The following AGBL1 variants were observed in gnomAD, a reference collection of about 807,000 sequenced individuals.
AGBL1 encodes AGBL carboxypeptidase 1.
In AGBL1, 130 loss-of-function variants were observed where a neutral mutation model predicts 118.9. The ratio of observed to expected loss-of-function variants is 1.09; its 90% CI spans 0.95 to 1.26. AGBL1 has a LOEUF of 1.26. Among genes scored for constraint, AGBL1 ranks in the 50% most tolerant of loss-of-function variants. The pLI, the probability that AGBL1 is intolerant of heterozygous loss-of-function variation, is 0.00. For synonymous variants in AGBL1, 555 were observed against 478.9 expected (o/e 1.16, Z -2.08); for missense variants, 1,584 against 1,298.1 (o/e 1.22, Z -3.38).
In AGBL1 at chr15:86,909,161, G is replaced by A. The variant is rs1324628717; in HGVS notation, c.*1867G>A. 6.6e-6 allele frequency: 1 copy of A among 152,182 alleles called. No homozygotes were observed. Among genetic ancestry groups the A allele is most frequent in the African/African-American group, 2.4e-5 (1 of 41,444 alleles). The allele number at this position is 152,182 out of a possible 1,614,324, so 9.4% of individuals were successfully genotyped here. A position where few individuals can be genotyped will look rare whatever the true frequency, so the allele number is the denominator to read the frequency against. On this transcript the variant is annotated 3_prime_UTR_variant, in exon 23 of 23. Transcript: ENST00000614907. ...TAATCCCACCGGCTGAAAAAAATGGGCCTATAGCCACAGGAAGCTGCAAGA... is the reference window on the plus strand; with the variant it reads ...TAATCCCACCGGCTGAAAAAAATGGACCTATAGCCACAGGAAGCTGCAAGA...
chr15:87,029,933 T>C (rs2081768754), downstream of AGBL1, among the ~76,000 whole-genome samples: 2 of 151,874 alleles, frequency 1.3e-5, no homozygotes, highest in African/African-American at 4.8e-5. Context: ...TCCTAGGATG[T>C]TAATGAAGAT....
intron 21 of AGBL1, among the ~76,000 whole-genome samples, chr15:86,581,635 C>A (rs552239901): frequency 1.3e-5 from 2 of 152,250 alleles, no homozygotes; most frequent in African/African-American, 4.8e-5. Context: ...ACTCCTCGGG[C>A]ACTCTTCAGT....
chr15:86,145,903 C>T (rs1220261385), intron 3 of AGBL1, among the ~76,000 whole-genome samples: 1 of 152,294 alleles, frequency 6.6e-6, no homozygotes, highest in Non-Finnish European at 1.5e-5. Flanking sequence ...AGTGATGCTA[C>T]TTTAGACTGG....
chr15:86,142,245 T>C (rs2076973340), intron 2 of AGBL1, among the ~76,000 whole-genome samples, 178 bp downstream of exon 2: 1 of 152,166 alleles, frequency 6.6e-6, no homozygotes, highest in Non-Finnish European at 1.5e-5. Flanking sequence ...ACCTGGACTG[T>C]TTGTACTTGC....
At chr15:86,312,713 G>A (rs891370980) in intron 17 of AGBL1, among the ~76,000 whole-genome samples, 2 of 152,126 alleles carry the variant, frequency 1.3e-5, no homozygotes, top group Non-Finnish European at 2.9e-5. Flanking sequence ...CAGGGCAAGG[G>A]CATTCTCAAC....
At chr15:86,373,426 T>C (rs1431235) in intron 17 of AGBL1, among the ~76,000 whole-genome samples, 38,653 of 152,104 alleles carry the variant, frequency 0.25, 5,695 homozygotes, top group East Asian at 0.65. Flanking sequence ...ATGGGAATCA[T>C]AGAAGGCTTG....
At chr15:86,726,516 A>T (rs150367131) in intron 22 of AGBL1, among the ~76,000 whole-genome samples, 10 of 152,202 alleles carry the variant, frequency 6.6e-5, no homozygotes, top group Non-Finnish European at 1.3e-4. Context: ...GATAATATGC[A>T]TAGTGTTTGG....
chr15:86,298,399 T>TTCTTATATATATATG, intron 17 of AGBL1, among the ~76,000 whole-genome samples: 1 of 147,590 alleles, frequency 6.8e-6, no homozygotes, highest in African/African-American at 2.5e-5. Context: ...TATGAATATA[T>TTCTTATATATATATG]AAACACATGC....
chr15:86,362,354 A>T (rs959449328), intron 17 of AGBL1, among the ~76,000 whole-genome samples: 1 of 152,216 alleles, frequency 6.6e-6, no homozygotes, highest in East Asian at 1.9e-4. Flanking sequence ...ATTTTAGAGT[A>T]TTCTGAATTT....
At chr15:86,401,951 T>C (rs969990402) in intron 18 of AGBL1, among the ~76,000 whole-genome samples, 1 of 152,108 alleles carries the variant, frequency 6.6e-6, no homozygotes, top group African/African-American at 2.4e-5. Flanking sequence ...TGGTTTCATA[T>C]GAGTTTTAGG....
At position 86,450,836 on chromosome 15, in the gene AGBL1, T is replaced by TA. The variant is rs529721992; in HGVS notation, c.2555+53293dup. 4.6e-5 allele frequency among the ~76,000 whole-genome samples: 7 copies of TA among 152,346 alleles called. No homozygotes were observed. The South Asian group carries it at 1.2e-3, about 27-fold the overall frequency. On this transcript the variant is annotated intron_variant, in intron 18 of 22. Transcript: ENST00000614907. Reference sequence around the variant, plus strand: ...GAGTACCTAGGCATGGAATATGCTTTAAATAGAGCCATTATTAATAATATT... The same window carrying TA: ...GAGTACCTAGGCATGGAATATGCTTTAAAATAGAGCCATTATTAATAATATT...
chr15:86,823,029 T>C (rs1444716128), intron 22 of AGBL1, among the ~76,000 whole-genome samples: 2 of 152,118 alleles, frequency 1.3e-5, no homozygotes, highest in African/African-American at 2.4e-5. Flanking sequence ...TTAGTCTCAA[T>C]AGATGGCTTT....
chr15:86,858,838 T>G (rs1402974501), intron 22 of AGBL1, among the ~76,000 whole-genome samples: 2 of 152,218 alleles, frequency 1.3e-5, no homozygotes, highest in African/African-American at 4.8e-5. Context: ...GACTACTGCA[T>G]GTGGACTCCA....
chr15:86,178,370 A>T (rs961463908), intron 5 of AGBL1, among the ~76,000 whole-genome samples: 1 of 152,172 alleles, frequency 6.6e-6, no homozygotes, highest in African/African-American at 2.4e-5. Flanking sequence ...AAGAGAGAAG[A>T]CACAAATGAC....
chr15:86,917,328 C>A (rs1192153708), downstream of AGBL1, among the ~76,000 whole-genome samples: 2 of 152,218 alleles, frequency 1.3e-5, no homozygotes, highest in African/African-American at 4.8e-5. This position sits in a 1 kb window ranked among gnomAD's most constrained non-coding sequence, Gnocchi z 4.8. Context: ...CAACTGCCCT[C>A]ATCGACCTTG....
intron 5 of AGBL1, among the ~76,000 whole-genome samples, chr15:86,196,879 G>GCGCGCGCACACACACACACACACA (rs756313941): frequency 6.0e-5 from 7 of 116,958 alleles, no homozygotes; most frequent in African/African-American, 2.5e-4. Context: ...GCGCGCGCGC[G>GCGCGCGCACACACACACACACACA]CACACACACA....
rs572242415 is a variant in AGBL1, at chr15:86,146,095, G to T, written c.262+2250G>T. 5.3e-5 allele frequency among the ~76,000 whole-genome samples: 8 copies of T among 152,302 alleles called. No homozygotes were observed. The South Asian group carries it at 6.2e-4, about 12-fold the overall frequency. ...GGCCTGGCCCTGACACTTATTAGCTGTGTGACCTTGGGCAAAGTACTTAAA... is the reference window on the plus strand; with the variant it reads ...GGCCTGGCCCTGACACTTATTAGCTTTGTGACCTTGGGCAAAGTACTTAAA... On this transcript the variant is annotated intron_variant, in intron 3 of 22. Transcript: ENST00000614907.
At chr15:86,811,334 A>G (rs984916800) in intron 22 of AGBL1, among the ~76,000 whole-genome samples, 8 of 152,184 alleles carry the variant, frequency 5.3e-5, no homozygotes, top group African/African-American at 1.9e-4. Context: ...AGATGGGAGA[A>G]CAGTCAGAAG....
chr15:86,773,276 T>A (rs1487323291), intron 22 of AGBL1, among the ~76,000 whole-genome samples: 2 of 151,838 alleles, frequency 1.3e-5, no homozygotes, highest in African/African-American at 4.8e-5. Flanking sequence ...AGTGATGGGG[T>A]ACGGAGGAGG....
Sources: allele counts gnomAD v4.1 joint callset (sites outside exome capture counted in the v4.1 genomes callset), GRCh38; gene constraint gnomAD v4.1.1; non-coding constraint Gnocchi (gnomAD v3.1); transcripts MANE v1.5; gene names NCBI Gene and HGNC (gene_info 2026-07-23, HGNC 2026-07-21).